The following STK3 variants were observed in gnomAD, a reference collection of about 807,000 sequenced individuals.
STK3 encodes serine/threonine-protein kinase 3.
A neutral mutation model predicts 58.0 loss-of-function variants in STK3; 41 were observed. The observed-to-expected ratio is 0.71, with a 90% CI of 0.55 to 0.92. STK3 has a LOEUF of 0.92. STK3 is among the 40% of genes least tolerant of loss of function. The pLI, the probability that STK3 is intolerant of heterozygous loss-of-function variation, is 0.00. For synonymous variants in STK3, 170 were observed against 191.0 expected, an observed-to-expected ratio of 0.89 and a Z score of 0.91; for missense variants, 479 against 602.7, an observed-to-expected ratio of 0.79 and a Z score of 2.15.
chr8:98,611,048 G>A (rs1467167999), intron 6 of STK3, among the ~76,000 whole-genome samples: 1 of 151,914 alleles, frequency 6.6e-6, no homozygotes, highest in African/African-American at 2.4e-5. Context: ...TTACACAAAG[G>A]CCTATAAACT....
chr8:98,795,096 AAAAAAAAATAT>A (rs1458275417), intron 1 of STK3, among the ~76,000 whole-genome samples: 26 of 61,360 alleles, frequency 4.2e-4, no homozygotes, highest in Non-Finnish European at 2.3e-4. Context: ...AAAAAAAAAA[AAAAAAAAATAT>A]ATATATATAT....
At chr8:98,361,000 A>G in the STK3 span, among the ~76,000 whole-genome samples, 4 of 152,250 alleles carry the variant, frequency 2.6e-5, no homozygotes, top group East Asian at 1.9e-4. Flanking sequence ...CAAGCTCCAC[A>G]GGACACAAAA....
At chr8:98,586,976 AT>A (rs1814675907) in intron 7 of STK3, among the ~76,000 whole-genome samples, 1 of 151,128 alleles carries the variant, frequency 6.6e-6, no homozygotes, top group Admixed American at 6.6e-5. Flanking sequence ...CATCTATTTG[AT>A]TCTTCTCTCT....
chr8:98,464,226 G>T (rs1820241834), intron 10 of STK3, among the ~76,000 whole-genome samples: 1 of 152,100 alleles, frequency 6.6e-6, no homozygotes, highest in South Asian at 2.1e-4. Context: ...ATTGCCTATA[G>T]CATTTTTAAG....
chr8:98,608,225 T>C (rs1221401681), intron 6 of STK3, among the ~76,000 whole-genome samples: 1 of 152,112 alleles, frequency 6.6e-6, no homozygotes, highest in African/African-American at 2.4e-5. Flanking sequence ...AATAATGTGT[T>C]ACAACACTCA....
At chr8:98,708,694 T>C (rs1045894681) in intron 4 of STK3, among the ~76,000 whole-genome samples, 1 of 152,204 alleles carries the variant, frequency 6.6e-6, no homozygotes, top group Non-Finnish European at 1.5e-5. Flanking sequence ...TGTAAGGTAG[T>C]GTGATATTAT....
At chr8:98,422,993 C>T (rs1818190789) in intron 3 of STK3, among the ~76,000 whole-genome samples, 1 of 152,222 alleles carries the variant, frequency 6.6e-6, no homozygotes, top group South Asian at 2.1e-4. Context: ...GCAGCTAGGA[C>T]TGAGATCTAC....
chr8:98,445,540 C>T (rs1023879734), intron 1 of STK3, among the ~76,000 whole-genome samples: 2 of 151,884 alleles, frequency 1.3e-5, no homozygotes, highest in African/African-American at 4.8e-5. Flanking sequence ...AGTAAAATAT[C>T]GTATGTCATA....
chr8:98,710,218 T>A (rs1826288957), intron 4 of STK3, among the ~76,000 whole-genome samples: 1 of 152,110 alleles, frequency 6.6e-6, no homozygotes, highest in African/African-American at 2.4e-5. Flanking sequence ...GCGTGAGCAT[T>A]GCAGAAGACA....
At chr8:98,520,872 T>A (rs1216873713) in intron 10 of STK3, among the ~76,000 whole-genome samples, 1 of 152,144 alleles carries the variant, frequency 6.6e-6, no homozygotes, top group Non-Finnish European at 1.5e-5. Flanking sequence ...TTCCCCATTT[T>A]GTGAGCAAAG....
At chr8:98,918,679 G>A (rs1380942714) in intron 1 of STK3, among the ~76,000 whole-genome samples, 1 of 152,046 alleles carries the variant, frequency 6.6e-6, no homozygotes, top group Non-Finnish European at 1.5e-5. Context: ...GAGGCAAGAG[G>A]ATCGTTTGAG....
intron 8 of STK3, among the ~76,000 whole-genome samples, chr8:98,573,731 G>A (rs1181487876): frequency 2.0e-5 from 3 of 152,084 alleles, no homozygotes; most frequent in East Asian, 1.9e-4. Flanking sequence ...GTCCTTTACA[G>A]CAGCACTCCA....
chr8:98,435,522 T>C (rs1818454617), intron 2 of STK3, among the ~76,000 whole-genome samples: 1 of 151,040 alleles, frequency 6.6e-6, no homozygotes, highest in African/African-American at 2.4e-5. Flanking sequence ...GACAGGTGGC[T>C]GATTTGAGGT....
At chr8:98,716,260 T>C (rs1268309470) in intron 4 of STK3, among the ~76,000 whole-genome samples, 1 of 152,126 alleles carries the variant, frequency 6.6e-6, no homozygotes, top group African/African-American at 2.4e-5. Context: ...GTTGTGCACA[T>C]GTACCCTAAA....
At chr8:98,820,054 C>G (rs1355090222) in intron 1 of STK3, among the ~76,000 whole-genome samples, 1 of 152,186 alleles carries the variant, frequency 6.6e-6, no homozygotes, top group Non-Finnish European at 1.5e-5. Flanking sequence ...CTTAACTCCT[C>G]TATATTCTCA....
chr8:98,901,574 G>A (rs964696782), intron 1 of STK3, among the ~76,000 whole-genome samples: 1 of 152,232 alleles, frequency 6.6e-6, no homozygotes, highest in Non-Finnish European at 1.5e-5. Flanking sequence ...GGAGCAGCAG[G>A]GGTTCCCAGG....
chr8:98,604,436 T>G (rs964465445), intron 6 of STK3, among the ~76,000 whole-genome samples: 1 of 152,174 alleles, frequency 6.6e-6, no homozygotes, highest in African/African-American at 2.4e-5. Flanking sequence ...AAGTGCATAG[T>G]GCCAGCTATT....
the STK3 span, among the ~76,000 whole-genome samples, chr8:98,356,906 C>G: frequency 6.6e-6 from 1 of 152,122 alleles, no homozygotes; most frequent in Non-Finnish European, 1.5e-5. Flanking sequence ...GAACCCTGAG[C>G]GTGGTCGGTC....
chr8:98,370,088 ATTT>A (rs5893462), downstream of STK3, among the ~76,000 whole-genome samples: 60 of 127,592 alleles, frequency 4.7e-4, no homozygotes, highest in Admixed American at 5.5e-4. Flanking sequence ...TGGGATTTTG[ATTT>A]TTTTTTTTTT....
Sources: allele counts gnomAD v4.1 joint callset (sites outside exome capture counted in the v4.1 genomes callset), GRCh38; gene constraint gnomAD v4.1.1; transcripts MANE v1.5; gene names NCBI Gene and HGNC (gene_info 2026-07-23, HGNC 2026-07-21).